The following ITPR2 variants were observed in gnomAD, a reference collection of about 807,000 sequenced individuals.
ITPR2 encodes the protein inositol 1,4,5-trisphosphate receptor type 2, also known as inositol 1,4,5-trisphosphate-gated calcium channel ITPR2.
Under a neutral mutation model 317.1 loss-of-function variants are expected in ITPR2, and 207 were observed. The ratio of observed to expected loss-of-function variants is 0.65; its 90% CI spans 0.58 to 0.73. The LOEUF (loss-of-function observed/expected upper bound fraction) is 0.73, where lower values mean the gene tolerates loss of function less well. ITPR2 is among the 30% of genes least tolerant of loss of function. The pLI, the probability that ITPR2 is intolerant of heterozygous loss-of-function variation, is 0.00. For missense variants in ITPR2, 2,613 were observed against 3,284.0 expected (o/e 0.80, Z 4.99); for synonymous variants, 1,156 against 1,149.1 (o/e 1.01, Z -0.12).
At chr12:26,343,273 A>T (rs559747137) in intron 55 of ITPR2, among the ~76,000 whole-genome samples, 19 of 152,324 alleles carry the variant, frequency 1.2e-4, no homozygotes, top group Non-Finnish European at 1.9e-4. Context: ...TGTTGGCAAG[A>T]CAGGAGATTG....
chr12:26,567,968 ATTATATATAT>A (rs1945027703), intron 34 of ITPR2, among the ~76,000 whole-genome samples: 1 of 21,372 alleles, frequency 4.7e-5, no homozygotes, highest in Admixed American at 4.6e-4. Flanking sequence ...ATATATATAT[ATTATATATAT>A]TATATATATA....
intron 45 of ITPR2, among the ~76,000 whole-genome samples, chr12:26,470,610 C>T (rs1273895286): frequency 6.6e-6 from 1 of 152,192 alleles, no homozygotes; most frequent in Non-Finnish European, 1.5e-5. Context: ...ATTCTCCTTT[C>T]ATCTATCATA....
intron 45 of ITPR2, among the ~76,000 whole-genome samples, chr12:26,461,011 G>A (rs377134525): frequency 6.6e-6 from 1 of 152,058 alleles, no homozygotes; most frequent in African/African-American, 2.4e-5. Flanking sequence ...ATGAACATGT[G>A]CCTGCTCTGT....
chr12:26,670,466 C>T (rs1298450601), intron 13 of ITPR2, among the ~76,000 whole-genome samples: 1 of 152,216 alleles, frequency 6.6e-6, no homozygotes, highest in Admixed American at 6.5e-5. Flanking sequence ...CTAGCAAACT[C>T]CAACAGACCT....
At chr12:26,725,347 G>A (rs139817828) in intron 3 of ITPR2, among the ~76,000 whole-genome samples, 23 of 152,204 alleles carry the variant, frequency 1.5e-4, no homozygotes, top group African/African-American at 5.3e-4. Flanking sequence ...ATTATGTCAA[G>A]TAAAATATAA....
intron 44 of ITPR2, 47 bp from the exon 45 acceptor site, chr12:26,475,465 C>T (rs755581666): frequency 6.3e-6 from 10 of 1,583,828 alleles, no homozygotes; most frequent in Non-Finnish European, 5.1e-6. Flanking sequence ...ACAACATCTG[C>T]TTTATATTTT....
intron 49 of ITPR2, among the ~76,000 whole-genome samples, chr12:26,423,620 TAC>T (rs1458217205): frequency 2.6e-5 from 4 of 152,146 alleles, no homozygotes; most frequent in Non-Finnish European, 2.9e-5. Flanking sequence ...CTGGAAATAA[TAC>T]AGTTATTAAA....
intron 45 of ITPR2, among the ~76,000 whole-genome samples, chr12:26,447,825 T>C (rs1425425421): frequency 6.6e-6 from 1 of 152,046 alleles, no homozygotes; most frequent in Non-Finnish European, 1.5e-5. Flanking sequence ...CCAATTAACA[T>C]ATACTTAATA....
chr12:26,715,575 T>A, intron 7 of ITPR2, 130 bp from the exon 8 acceptor site: 1 of 886,710 alleles, frequency 1.1e-6, no homozygotes. Context: ...ATTTAATGCT[T>A]ATTTAAACAT....
Position 26,663,853 on chromosome 12 carries a change from G to C in ITPR2, c.1552-7C>G, listed in dbSNP as rs769404337. On this transcript the variant is annotated splice_polypyrimidine_tract_variant and splice_region_variant and intron_variant, in intron 14 of 56. Transcript: ENST00000381340. ...CTTTAAGAATTCCAAATACCTATCA[G>C]GAATAAAAACAGCCACCTATTCTGA... 9 of 1,596,674 alleles carry C rather than the reference G, an allele frequency of 5.6e-6. No individual in the cohort carries two copies. Among genetic ancestry groups the C allele is most frequent in the Non-Finnish European group, 6.8e-6 (8 of 1,174,636 alleles).
intron 2 of ITPR2, among the ~76,000 whole-genome samples, chr12:26,759,831 T>C (rs4142697): frequency 0.2 from 31,013 of 152,098 alleles, 3,806 homozygotes; most frequent in Non-Finnish European, 0.28. Flanking sequence ...AACAGCAATA[T>C]GGAAGCCAGA....
rs993240734 is a variant in ITPR2 at position 26,692,828 on chromosome 12, G to A, written c.996+2778C>T. Among the ~76,000 whole-genome samples, 6 of 152,136 alleles carry A rather than the reference G, an allele frequency of 3.9e-5. No homozygotes were observed. In the East Asian group the frequency reaches 5.8e-4, roughly 15 times the overall value. ...ATTAACTGGGCATTACATAGACAAC[G>A]TCAGGAAAACTAGGAAAGAAAAAAT... On this transcript the variant is annotated intron_variant, in intron 10 of 56. Transcript: ENST00000381340.
intron 2 of ITPR2, among the ~76,000 whole-genome samples, chr12:26,727,691 C>T (rs552482365): frequency 6.6e-6 from 1 of 152,122 alleles, no homozygotes; most frequent in Non-Finnish European, 1.5e-5. Flanking sequence ...ATGCCCTGCA[C>T]GAACAGGGGT....
At chr12:26,494,012 G>GA in intron 39 of ITPR2, 141 bp downstream of exon 39, 1 of 588,212 alleles carries the variant, frequency 1.7e-6, no homozygotes, top group Non-Finnish European at 2.8e-6. Context: ...ACAAATTTAA[G>GA]AAAAGTGTGA....
Position 26,351,442 on chromosome 12 carries a change from G to A in ITPR2, c.7858-11114C>T, listed in dbSNP as rs373049812. On this transcript the variant is annotated intron_variant, in intron 55 of 56. Coordinates refer to ENST00000381340, the MANE Select transcript of ITPR2 (RefSeq NM_002223.4). ...TGTTTTTCCTACAGAAATGTCAAGC[G>A]GGAAACATTCTGCCCATAAAGGAAA... 2.6e-4 allele frequency among the ~76,000 whole-genome samples: 39 copies of A among 152,332 alleles called. 1 individual carries two copies. Among genetic ancestry groups the A allele is most frequent in the African/African-American group, 8.4e-4 (35 of 41,580 alleles).
In ITPR2 at chr12:26,602,452, C is replaced by T; in HGVS notation, c.3596G>A (p.Cys1199Tyr). The change falls in exon 28 of 57, where the codon TGT becomes TAT. Residue 1199 changes from cysteine (C) to tyrosine (Y), a missense_variant. Cys to Tyr is a radical substitution (Grantham distance 194). Coordinates refer to ENST00000381340, the MANE Select transcript of ITPR2 (RefSeq NM_002223.4). ...CAGTAATCGTTGATGTTGATTCCGA[C>T]ACTTTTTATTCTGCACACAGAGTTT... The part of the protein sequence containing the change: ...LSKLCVQNKK[C>Y]RNQHQRLLKN... 1 of 1,613,728 alleles carries T rather than the reference C, an allele frequency of 6.2e-7. No homozygotes were observed.
intron 2 of ITPR2, among the ~76,000 whole-genome samples, chr12:26,782,477 G>C (rs1164683990): frequency 6.6e-6 from 1 of 152,126 alleles, no homozygotes; most frequent in Non-Finnish European, 1.5e-5. Flanking sequence ...CTATTGTGTA[G>C]GAAAAGGATT....
Position 26,475,370 on chromosome 12 carries a change from C to T in ITPR2, c.6268G>A (p.Gly2090Arg), listed in dbSNP as rs749322562. ...AYNQGLECDHGDDEGGDDGVS... is the reference protein window; with the variant it reads ...AYNQGLECDHRDDEGGDDGVS... ...CCATCATCTCCACCCTCATCATCCC[C>T]ATGGTCACATTCCAATCCTTGGTTA... The change falls in exon 45 of 57, where the codon GGG becomes AGG. Residue 2090 changes from glycine (G) to arginine (R), a missense_variant. Transcript: ENST00000381340. 2.5e-6 allele frequency: 4 copies of T among 1,613,756 alleles called. No individual in the cohort carries two copies. Among genetic ancestry groups the T allele is most frequent in the Admixed American group, 3.3e-5 (2 of 60,012 alleles).
chr12:26,519,412 A>G (rs1943609650), intron 37 of ITPR2, among the ~76,000 whole-genome samples: 1 of 152,196 alleles, frequency 6.6e-6, no homozygotes, highest in African/African-American at 2.4e-5. Context: ...TACATAAAAC[A>G]GCAAAAGTCC....
Sources: allele counts gnomAD v4.1 joint callset (sites outside exome capture counted in the v4.1 genomes callset), GRCh38; gene constraint gnomAD v4.1.1; transcripts MANE v1.5; gene names NCBI Gene and HGNC (gene_info 2026-07-23, HGNC 2026-07-21).